ANK2: variants seen among roughly 807,000 people sequenced by gnomAD.
The protein encoded by ANK2 is ankyrin-2.
Under a neutral mutation model 360.5 loss-of-function variants are expected in ANK2, and 83 were observed. The ratio of observed to expected loss-of-function variants is 0.23; its 90% CI spans 0.19 to 0.28. The LOEUF (loss-of-function observed/expected upper bound fraction) is 0.28. Ranked by LOEUF, ANK2 falls within the 10% of genes least tolerant of loss-of-function variation. ANK2 has a pLI of 1.00. For synonymous variants in ANK2, 1,740 were observed against 1,759.5 expected, an observed-to-expected ratio of 0.99 and a Z score of 0.28; for missense variants, 4,201 against 4,795.7, an observed-to-expected ratio of 0.88 and a Z score of 3.66.
At chr4:113,268,346 C>A (rs1165810104) in intron 14 of ANK2, among the ~76,000 whole-genome samples, 2 of 152,138 alleles carry the variant, frequency 1.3e-5, no homozygotes, top group East Asian at 3.8e-4. Flanking sequence ...AAAGGGAATA[C>A]TTTCAGCTTT....
intron 1 of ANK2, among the ~76,000 whole-genome samples, chr4:113,062,110 A>G (rs2073760198): frequency 1.3e-5 from 2 of 152,124 alleles, no homozygotes; most frequent in Non-Finnish European, 2.9e-5. Flanking sequence ...CATGCCCTGT[A>G]CAGGGTTTGG....
chr4:113,347,089 A>G (rs948283794), intron 35 of ANK2, among the ~76,000 whole-genome samples: 4 of 152,154 alleles, frequency 2.6e-5, no homozygotes, highest in African/African-American at 9.7e-5. Context: ...CTAAATCTTG[A>G]CATCACAAAA....
In ANK2 at chr4:113,054,246, G is replaced by A. The variant is rs571450500; in HGVS notation, c.84+4434G>A. On this transcript the variant is annotated intron_variant, in intron 1 of 45. Transcript: ENST00000357077. The stretch of plus-strand genomic sequence containing the variant: ...GTAGTAGGATAAAATGGCTTTATAG[G>A]ATACCTTATATTTATTGAAGATGCT... Among the ~76,000 whole-genome samples the A allele has an allele frequency of 1.3e-4, 20 of 152,118 alleles. 1 individual carries two copies. The South Asian group carries it at 4.2e-3, about 32-fold the overall frequency.
intron 4 of ANK2, among the ~76,000 whole-genome samples, chr4:113,227,180 G>C (rs10488903): frequency 0.052 from 7,854 of 152,202 alleles, 666 homozygotes; most frequent in African/African-American, 0.18. Context: ...TTAAATACCA[G>C]TAAGTTAAGA....
intron 1 of ANK2, chr4:112,827,350 C>A: frequency 7.7e-7 from 1 of 1,302,724 alleles, no homozygotes; most frequent in Non-Finnish European, 1.1e-6. Context: ...GCAACTGGAA[C>A]TTGAACAGAT....
intron 1 of ANK2, among the ~76,000 whole-genome samples, chr4:112,855,874 C>T (rs908034951): frequency 1.3e-5 from 2 of 152,104 alleles, no homozygotes; most frequent in African/African-American, 4.8e-5. Context: ...CTTTATGTTC[C>T]TGCTGTCATT....
chr4:112,816,556 C>A (rs1289200346), upstream of ANK2, among the ~76,000 whole-genome samples: 1 of 151,496 alleles, frequency 6.6e-6, no homozygotes, highest in Non-Finnish European at 1.5e-5. Flanking sequence ...GATATTATAG[C>A]CTTAATTAAC....
the ANK2 span, among the ~76,000 whole-genome samples, chr4:112,724,556 T>TAC: frequency 0.19 from 26,604 of 141,582 alleles, 2,360 homozygotes; most frequent in Middle Eastern, 0.25. Flanking sequence ...CACACACACA[T>TAC]ACACACACAC....
intron 18 of ANK2, among the ~76,000 whole-genome samples, chr4:113,284,781 A>G: frequency 6.6e-6 from 1 of 152,198 alleles, no homozygotes; most frequent in East Asian, 1.9e-4. Flanking sequence ...ATAATACAAT[A>G]TACAAAATTT....
At chr4:113,009,966 G>A (rs2054190563) in intron 2 of ANK2, among the ~76,000 whole-genome samples, 1 of 138,418 alleles carries the variant, frequency 7.2e-6, no homozygotes, top group Non-Finnish European at 1.5e-5. Flanking sequence ...ACGTGCTTGT[G>A]GTATAATATG....
chr4:112,829,075 C>T (rs1048165842), intron 1 of ANK2, among the ~76,000 whole-genome samples: 1 of 152,122 alleles, frequency 6.6e-6, no homozygotes, highest in Non-Finnish European at 1.5e-5. Context: ...ATCGCTTGAA[C>T]CCAGGAGGCA....
At chr4:112,790,614 A>C in the ANK2 span, among the ~76,000 whole-genome samples, 1 of 148,196 alleles carries the variant, frequency 6.7e-6, no homozygotes, top group African/African-American at 2.5e-5. Flanking sequence ...TCAGCTTCCC[A>C]AGTAGCTGGG....
chr4:112,744,767 T>TATG, the ANK2 span, among the ~76,000 whole-genome samples: 1 of 152,262 alleles, frequency 6.6e-6, no homozygotes, highest in Non-Finnish European at 1.5e-5. Flanking sequence ...ACTTACAGAA[T>TATG]ATGAGAGTAC....
chr4:113,315,703 C>T (rs1263316897), intron 24 of ANK2, among the ~76,000 whole-genome samples: 1 of 152,022 alleles, frequency 6.6e-6, no homozygotes, highest in East Asian at 1.9e-4. Flanking sequence ...TCGAGACCAT[C>T]CTGGCTAACA....
intron 2 of ANK2, among the ~76,000 whole-genome samples, chr4:112,919,098 A>T (rs944362661): frequency 6.6e-6 from 1 of 152,160 alleles, no homozygotes; most frequent in African/African-American, 2.4e-5. Flanking sequence ...CTCAGCTTAG[A>T]AGAAATCTCT....
intron 1 of ANK2, among the ~76,000 whole-genome samples, chr4:113,134,008 AC>A (rs146211140): frequency 0.12 from 18,702 of 152,160 alleles, 1,341 homozygotes; most frequent in Middle Eastern, 0.15. Context: ...TGTGATTTAC[AC>A]TACAGCAAGG....
intron 2 of ANK2, among the ~76,000 whole-genome samples, chr4:112,972,106 G>A (rs2039746438): frequency 6.6e-6 from 1 of 152,186 alleles, no homozygotes; most frequent in African/African-American, 2.4e-5. Flanking sequence ...TATTTAAAAT[G>A]TATGTAGCAT....
chr4:113,231,910 C>A (rs2099312894), intron 4 of ANK2, among the ~76,000 whole-genome samples: 1 of 152,142 alleles, frequency 6.6e-6, no homozygotes, highest in Non-Finnish European at 1.5e-5. Context: ...ACTAAGATAT[C>A]TTTTACGCAG....
chr4:113,325,735 T>A (rs1304027072), intron 26 of ANK2, among the ~76,000 whole-genome samples: 2 of 152,190 alleles, frequency 1.3e-5, no homozygotes, highest in African/African-American at 4.8e-5. Context: ...ATTTAAAATA[T>A]GTAAAATCCC....
Sources: allele counts gnomAD v4.1 joint callset (sites outside exome capture counted in the v4.1 genomes callset), GRCh38; gene constraint gnomAD v4.1.1; transcripts MANE v1.5; gene names NCBI Gene and HGNC (gene_info 2026-07-23, HGNC 2026-07-21).